Variants in KRT1 observed in about 807,000 individuals in gnomAD.
The protein encoded by KRT1 is keratin, type II cytoskeletal 1.
A neutral mutation model predicts 51.6 loss-of-function variants in KRT1; 28 were observed. The observed-to-expected ratio is 0.54, with a 90% CI of 0.40 to 0.74. The LOEUF is 0.74. Ranked by LOEUF, KRT1 falls within the 30% of genes least tolerant of loss-of-function variation. The pLI, the probability that KRT1 is intolerant of heterozygous loss-of-function variation, is 0.00. For synonymous variants in KRT1, 301 were observed against 307.7 expected (o/e 0.98, Z 0.23); for missense variants, 783 against 815.5 (o/e 0.96, Z 0.49).
At position 52,675,209 on chromosome 12, in the gene KRT1, G is replaced by C. The variant is rs1301079438; in HGVS notation, c.1919C>G (p.Ser640Cys). ...GGCATCTCTTTATCTGGTTACTCCG[G>C]AATAAGTGGTAGAAACAAACTTCAC... ...SSVKFVSTTY[S>C]GVTR The change falls in exon 9 of 9, where the codon TCC becomes TGC. Residue 640 changes from serine (S) to cysteine (C), a missense_variant. Transcript: ENST00000252244. 6.2e-7 allele frequency: 1 copy of C among 1,613,770 alleles called. No homozygotes were observed. Among genetic ancestry groups the C allele is most frequent in the Admixed American group, 1.7e-5 (1 of 60,030 alleles).
Position 52,679,758 on chromosome 12 carries a change from C to T in KRT1, c.591G>A (p.Lys197=), listed in dbSNP as rs756729273. 4 of 1,613,998 alleles carry T rather than the reference C, an allele frequency of 2.5e-6. No individual in the cohort carries two copies. In the South Asian group the frequency reaches 3.3e-5, roughly 13 times the overall value. ...LNNQFASFID[K]VRFLEQQNQV... is the part of the protein sequence containing the mutation. ...CCAGTGCAATGAGAGAGAAACTCACCTTGTCAATGAAGGAGGCAAATTGGT... is the reference window on the plus strand; with the variant it reads ...CCAGTGCAATGAGAGAGAAACTCACTTTGTCAATGAAGGAGGCAAATTGGT... The change falls in exon 1 of 9, where the codon AAG becomes AAA. Residue 197 remains lysine, a splice_region_variant and synonymous_variant. Coordinates refer to ENST00000252244, the MANE Select transcript of KRT1 (RefSeq NM_006121.4).
At chr12:52,678,803 A>T (rs1228873203) in intron 1 of KRT1, 47 bp from the exon 2 acceptor site, 14 of 1,507,010 alleles carry the variant, frequency 9.3e-6, no homozygotes, top group Non-Finnish European at 1.2e-5. Context: ...ATGGAGTCTC[A>T]TAGCCATGGA....
chr12:52,680,014 C>G lies in KRT1; in HGVS notation c.335G>C (p.Gly112Ala). ...ACCAAAGCCACCACCCCCAATGCCACCTCCACCAAAGCCACCACCACCAAA... is the reference window on the plus strand; with the variant it reads ...ACCAAAGCCACCACCCCCAATGCCAGCTCCACCAAAGCCACCACCACCAAA... ...GGFGGGGFGG[G>A]GIGGGGFGGF... The change falls in exon 1 of 9, where the codon GGT becomes GCT. Residue 112 changes from glycine to alanine, a missense_variant. Transcript: ENST00000252244. 1 of 1,570,432 alleles carries G rather than the reference C, an allele frequency of 6.4e-7. No individual in the cohort carries two copies. The highest frequency in any genetic ancestry group is 1.9e-5 in the Admixed American group (1 of 52,238).
chr12:52,676,420 G>T lies in KRT1; in HGVS notation c.1330C>A (p.Leu444Met). ...ENALKDAKNK[L>M]NDLEDALQQA... ...TGCAGGGCATCCTCCAGGTCATTCA[G>T]CTTGTTCTTGGCATCCTTGAGGGCA... Residue 444 changes from leucine (L) to methionine (M), a missense_variant, in exon 7 of 9, where the codon CTG becomes ATG. Transcript: ENST00000252244. The T allele has an allele frequency of 6.2e-7, 1 of 1,614,178 alleles. No individual in the cohort carries two copies.
chr12:52,677,801 A>C, intron 3 of KRT1, 56 bp from the exon 4 acceptor site: 66 of 1,440,148 alleles, frequency 4.6e-5, no homozygotes, highest in Non-Finnish European at 6.0e-5. Context: ...GGTCCCTCTC[A>C]TTACCTGTGA....
Position 52,678,715 on chromosome 12 carries a change from T to C in KRT1, c.633A>G (p.Lys211=), listed in dbSNP as rs1237085914. ...TATCTACCTGCTGCAGCAGCTCCCA[T>C]TTTGTTTGCAGTACCTGGTTCTGCT... ...LEQQNQVLQT[K]WELLQQVDTS... is the part of the protein sequence containing the mutation. The change falls in exon 2 of 9, where the codon AAA becomes AAG. Residue 211 remains lysine, a synonymous_variant. Transcript: ENST00000252244. 6.2e-7 allele frequency: 1 copy of C among 1,614,180 alleles called. No homozygotes were observed. Among genetic ancestry groups the C allele is most frequent in the Non-Finnish European group, 8.5e-7 (1 of 1,180,028 alleles).
In KRT1 at chr12:52,676,361, G is replaced by A. The variant is rs936958; in HGVS notation, c.1389C>T (p.Arg463=). ...TTGTGTTCATCAGCTCCTGGTAGTC[G>A]CGCAGCAGGCGGGCCAGGTCTTCCT... ...QAKEDLARLL[R]DYQELMNTKL... The change falls in exon 7 of 9, where the codon CGC becomes CGT. Residue 463 remains arginine, a synonymous_variant. Coordinates refer to ENST00000252244, the MANE Select transcript of KRT1 (RefSeq NM_006121.4). 743,031 of 1,613,358 alleles carry A rather than the reference G, an allele frequency of 0.46. 173,433 individuals are homozygous for A. The highest frequency in any genetic ancestry group is 0.47 in the Non-Finnish European group (557,532 of 1,179,492).
At position 52,678,577 on chromosome 12, in the gene KRT1, C is replaced by A. The variant is rs780507238; in HGVS notation, c.771G>T (p.Lys257Asn). ...SDQSRLDSELKNMQDMVEDYR... is the reference protein window; with the variant it reads ...SDQSRLDSELNNMQDMVEDYR... ...AATCCTCCACCATGTCCTGCATGTT[C>A]TTCAGTTCCGAATCCAACCGAGATT... The change falls in exon 2 of 9, where the codon AAG (lysine) becomes AAT (asparagine). Residue 257 changes from lysine (K) to asparagine (N), a missense_variant. Coordinates refer to ENST00000252244, the MANE Select transcript of KRT1 (RefSeq NM_006121.4). The A allele has an allele frequency of 5.6e-6, 9 of 1,614,244 alleles. No individual in the cohort carries two copies. Among genetic ancestry groups the A allele is most frequent in the Non-Finnish European group, 7.6e-6 (9 of 1,180,044 alleles).
chr12:52,678,693 C>A lies in KRT1; in HGVS notation c.655G>T (p.Asp219Tyr), dbSNP rs750248505. 5.5e-5 allele frequency: 88 copies of A among 1,614,104 alleles called. No homozygotes were observed. Among genetic ancestry groups the A allele is most frequent in the Non-Finnish European group, 7.1e-5 (84 of 1,180,042 alleles). Reference sequence around the variant, plus strand: ...AAATTATGGGTTCTAGTGGAGGTATCTACCTGCTGCAGCAGCTCCCATTTT... The same window carrying A: ...AAATTATGGGTTCTAGTGGAGGTATATACCTGCTGCAGCAGCTCCCATTTT... ...QTKWELLQQV[D>Y]TSTRTHNLEP... Residue 219 changes from aspartate to tyrosine, a missense_variant, in exon 2 of 9, where the codon GAT becomes TAT. Physicochemically the swap from Asp to Tyr is radical, Grantham distance 160. Coordinates refer to ENST00000252244, the MANE Select transcript of KRT1 (RefSeq NM_006121.4).
intron 1 of KRT1, 55 bp from the exon 2 acceptor site, chr12:52,678,811 G>T: frequency 6.8e-7 from 1 of 1,479,484 alleles, no homozygotes; most frequent in Non-Finnish European, 9.4e-7. Context: ...TCATAGCCAT[G>T]GAGAACTGTG....
rs1385207991 is a variant in KRT1 at position 52,676,408 on chromosome 12, C to T, written c.1342G>A (p.Glu448Lys). The T allele has an allele frequency of 6.2e-7, 1 of 1,614,068 alleles. No homozygotes were observed. Among genetic ancestry groups the T allele is most frequent in the Non-Finnish European group, 8.5e-7 (1 of 1,180,040 alleles). ...KDAKNKLNDL[E>K]DALQQAKEDL... is the part of the protein sequence containing the mutation. The stretch of plus-strand genomic sequence containing the variant: ...TCCTTGGCCTGCTGCAGGGCATCCT[C>T]CAGGTCATTCAGCTTGTTCTTGGCA... Residue 448 changes from glutamate (E) to lysine (K), a missense_variant, in exon 7 of 9, where the codon GAG becomes AAG. By Grantham distance (56) the Glu-to-Lys change is moderately conservative. Coordinates refer to ENST00000252244, the MANE Select transcript of KRT1 (RefSeq NM_006121.4).
In KRT1 at chr12:52,675,720, G is replaced by C. The variant is rs767422677; in HGVS notation, c.1500C>G (p.Asn500Lys). 6.2e-7 allele frequency: 1 copy of C among 1,614,142 alleles called. No homozygotes were observed. Among genetic ancestry groups the C allele is most frequent in the South Asian group, 1.1e-5 (1 of 91,088 alleles). Reference sequence around the variant, plus strand: ...TCGACTTGTACTTACACACACTCACGTTCGGGGCACATTCTCCAGACATCC... The same window carrying C: ...TCGACTTGTACTTACACACACTCACCTTCGGGGCACATTCTCCAGACATCC... Reference protein sequence around the residue: ...ESRMSGECAPNVSVSVSTSHT... With the variant: ...ESRMSGECAPKVSVSVSTSHT... Residue 500 changes from asparagine to lysine, a missense_variant, in exon 8 of 9, where the codon AAC becomes AAG. By Grantham distance (94) the Asn-to-Lys change is moderately conservative (BLOSUM62 0). Coordinates refer to ENST00000252244, the MANE Select transcript of KRT1 (RefSeq NM_006121.4).
chr12:52,675,282 G>C lies in KRT1; in HGVS notation c.1846C>G (p.Arg616Gly). The C allele has an allele frequency of 6.2e-7, 1 of 1,613,600 alleles. No homozygotes were observed. Among genetic ancestry groups the C allele is most frequent in the East Asian group, 2.2e-5 (1 of 44,870 alleles). Residue 616 changes from arginine to glycine, a missense_variant, in exon 9 of 9, where the codon CGG (arginine) becomes GGG (glycine). Transcript: ENST00000252244. Reference protein sequence around the residue: ...GGSSGGSIGGRGSSSGGVKSS... With the variant: ...GGSSGGSIGGGGSSSGGVKSS... ...TTGACACCCCCAGAGCTGGATCCCC[G>C]GCCTCCTATGGAGCCTCCAGAGCTC...
chr12:52,678,069 C>A (rs1941537170), intron 3 of KRT1, 94 bp downstream of exon 3: 2 of 1,197,918 alleles, frequency 1.7e-6, no homozygotes, highest in African/African-American at 3.0e-5. Flanking sequence ...TACTACCTGG[C>A]TCTCCATATC....
intron 7 of KRT1, 53 bp downstream of exon 7, chr12:52,676,222 G>T: frequency 7.0e-7 from 1 of 1,423,480 alleles, no homozygotes; most frequent in Non-Finnish European, 9.9e-7. Flanking sequence ...CAATCAGCTT[G>T]CAAGGAAGGA....
At chr12:52,675,677 G>A in intron 8 of KRT1, 33 bp downstream of exon 8, 1 of 1,614,214 alleles carries the variant, frequency 6.2e-7, no homozygotes, top group Non-Finnish European at 8.5e-7. Flanking sequence ...AACAAAGCCT[G>A]CACATGCCCC....
Position 52,678,176 on chromosome 12 carries a change from AC to A in KRT1, c.853del (p.Val285Ter), listed in dbSNP as rs1565647420. 6.2e-7 allele frequency: 1 copy of A among 1,614,166 alleles called. No individual in the cohort carries two copies. Among genetic ancestry groups the A allele is most frequent in the Admixed American group, 1.7e-5 (1 of 60,026 alleles). On this transcript the variant is annotated frameshift_variant, in exon 3 of 9. Transcript: ENST00000252244. LOFTEE classifies it high-confidence loss of function. ...GAATTTGCTTACCTTCTTGATGGTC[AC>A]AAATTCATTCTCTGCATTTGTCCGC... ...NKRTNAENEF[V>X]TIKKDVDGAY... is the part of the protein sequence containing the mutation.
chr12:52,677,657 T>C lies in KRT1; in HGVS notation c.956A>G (p.Tyr319Cys), dbSNP rs371171252. 14 of 1,614,056 alleles carry C rather than the reference T, an allele frequency of 8.7e-6. No individual in the cohort carries two copies. The highest frequency in any genetic ancestry group is 1.2e-5 in the Non-Finnish European group (14 of 1,180,004). Residue 319 changes from tyrosine (Y) to cysteine (C), a missense_variant, in exon 4 of 9, where the codon TAC becomes TGC. Coordinates refer to ENST00000252244, the MANE Select transcript of KRT1 (RefSeq NM_006121.4). ...TGAAACTGGAAGACTTACTGCTTGG[T>C]AGAGTGCTGTAAGGAAATCAATTTC... is the stretch of plus-strand genomic sequence containing the variant. Reference protein sequence around the residue: ...QQEIDFLTALYQAELSQMQTQ... With the variant: ...QQEIDFLTALCQAELSQMQTQ...
chr12:52,676,484 C>T lies in KRT1; in HGVS notation c.1266G>A (p.Leu422=). 6.2e-7 allele frequency: 1 copy of T among 1,614,190 alleles called. No individual in the cohort carries two copies. The highest frequency in any genetic ancestry group is 8.5e-7 in the Non-Finnish European group (1 of 1,180,032). Residue 422 remains leucine, a synonymous_variant, in exon 7 of 9, where the codon TTG becomes TTA. Transcript: ENST00000252244. ...IDNVKKQISN[L]QQSISDAEQR... is the part of the protein sequence containing the mutation. ...GCTCTGCATCACTGATGGACTGCTG[C>T]AAGTTGGAGATCTGAAAAAGAATAT...
Sources: allele counts gnomAD v4.1 joint callset, GRCh38; gene constraint gnomAD v4.1.1; transcripts MANE v1.5; gene names NCBI Gene and HGNC (gene_info 2026-07-23, HGNC 2026-07-21).